Variants in CNGB1 observed in about 807,000 individuals in gnomAD.
CNGB1 encodes the protein cyclic nucleotide gated channel subunit beta 1.
Under a neutral mutation model 151.7 loss-of-function variants are expected in CNGB1, and 126 were observed. That is an observed-to-expected ratio of 0.83 (90% CI 0.72 to 0.96). The LOEUF is 0.96. CNGB1 is among the 40% of genes least tolerant of loss of function. The pLI, the probability that CNGB1 is intolerant of heterozygous loss-of-function variation, is 0.00. For synonymous variants in CNGB1, 623 were observed against 635.1 expected (o/e 0.98, Z 0.29); for missense variants, 1,698 against 1,627.0 (o/e 1.04, Z -0.75).
intron 21 of CNGB1, among the ~76,000 whole-genome samples, chr16:57,916,851 G>A (rs114437567): frequency 3.0e-4 from 46 of 152,264 alleles, no homozygotes; most frequent in African/African-American, 6.5e-4. Context: ...TGTGCTGAGC[G>A]CCCCGCATGC....
chr16:57,904,035 C>A, intron 26 of CNGB1, 54 bp from the exon 27 acceptor site: 3 of 1,563,646 alleles, frequency 1.9e-6, no homozygotes, highest in Non-Finnish European at 2.6e-6. Flanking sequence ...TGGGGGTGGG[C>A]GCTATTCCAT....
intron 15 of CNGB1, 58 bp downstream of exon 15, chr16:57,940,176 T>A: frequency 6.8e-7 from 1 of 1,477,320 alleles, no homozygotes. Context: ...AAGGTCCCCA[T>A]CCTTCCACCA....
intron 26 of CNGB1, 136 bp from the exon 27 acceptor site, chr16:57,904,117 C>A: frequency 1.4e-6 from 1 of 720,584 alleles, no homozygotes; most frequent in Non-Finnish European, 2.5e-6. Context: ...GGGGGGTAGG[C>A]AGATGTCCTC....
rs1166139098 is a variant in CNGB1, at chr16:57,897,628, C to G, written c.3096-85G>C. 49 of 1,595,628 alleles carry G rather than the reference C, an allele frequency of 3.1e-5. No homozygotes were observed. In the East Asian group the frequency reaches 1.0e-3, roughly 33 times the overall value. ...ATCTTCATTTCCCATGTGTGGAGGA[C>G]AGTGGTGGCCCCACACAGATGAGAA... On this transcript the variant is annotated intron_variant, in intron 30 of 32. Transcript: ENST00000251102.
intron 20 of CNGB1, among the ~76,000 whole-genome samples, chr16:57,917,929 C>G (rs1960921498): frequency 6.6e-6 from 1 of 151,846 alleles, no homozygotes; most frequent in Admixed American, 6.6e-5. Flanking sequence ...AACTCATTTG[C>G]TTTTATTCTT....
intron 16 of CNGB1, among the ~76,000 whole-genome samples, chr16:57,938,811 C>T (rs1961580197): frequency 6.6e-6 from 1 of 152,152 alleles, no homozygotes; most frequent in Non-Finnish European, 1.5e-5. Flanking sequence ...GCTCCAGGGT[C>T]CAGCTGTTGC....
intron 25 of CNGB1, among the ~76,000 whole-genome samples, chr16:57,905,366 T>C (rs1425940199): frequency 2.6e-5 from 4 of 152,022 alleles, no homozygotes; most frequent in Non-Finnish European, 5.9e-5. Context: ...TTCCAGAGAG[T>C]GAAACTGAGG....
intron 12 of CNGB1, among the ~76,000 whole-genome samples, chr16:57,954,281 C>T (rs17821442): frequency 0.015 from 2,295 of 152,290 alleles, 32 homozygotes; most frequent in Non-Finnish European, 0.024. Flanking sequence ...ATCCAAAGGC[C>T]TGCCCAGCCA....
chr16:57,916,094 C>T (rs757793086), intron 22 of CNGB1, 35 bp downstream of exon 22: 2 of 1,612,312 alleles, frequency 1.2e-6, no homozygotes, highest in Admixed American at 1.7e-5. Flanking sequence ...TTCTGAAACC[C>T]CGCAGACGCT....
At chr16:57,899,200 G>A (rs527483798) in intron 29 of CNGB1, among the ~76,000 whole-genome samples, 2 of 152,280 alleles carry the variant, frequency 1.3e-5, no homozygotes, top group East Asian at 3.9e-4. Context: ...AGCTTGCTTT[G>A]GACTGCAATT....
intron 21 of CNGB1, 127 bp from the exon 22 acceptor site, chr16:57,916,306 G>A (rs927384772): frequency 2.1e-6 from 2 of 936,252 alleles, no homozygotes; most frequent in East Asian, 2.5e-5. Flanking sequence ...GACCATCTGA[G>A]CCTTGGTGAA....
In CNGB1 at chr16:57,963,202, A is replaced by G. The variant is rs568935966; in HGVS notation, c.291-138T>C. On this transcript the variant is annotated intron_variant, in intron 4 of 32. Transcript: ENST00000251102. ...GTGTGTGGTGTGGTTATTGGAAAGT[A>G]CCTACATGTACCACTGGCCCAAGGC... is the stretch of plus-strand genomic sequence containing the variant. 6.4e-5 allele frequency: 50 copies of G among 783,126 alleles called. No individual in the cohort carries two copies. The African/African-American group carries it at 6.7e-4, about 11-fold the overall frequency. The allele number at this position is 783,126 out of a possible 1,614,324, so 48.5% of individuals were successfully genotyped here. A position where few individuals can be genotyped will look rare whatever the true frequency, so the allele number is the denominator to read the frequency against.
chr16:57,950,322 C>T (rs1961915612), intron 13 of CNGB1, 59 bp downstream of exon 13: 7 of 1,597,556 alleles, frequency 4.4e-6, no homozygotes, highest in Non-Finnish European at 4.3e-6. Context: ...TAAGGTACTG[C>T]ATGCTTGGCA....
chr16:57,960,579 C>T (rs372857030), intron 8 of CNGB1, 49 bp from the exon 9 acceptor site: 77 of 1,591,204 alleles, frequency 4.8e-5, no homozygotes, highest in Middle Eastern at 1.7e-4. Flanking sequence ...AAGCTCTGTG[C>T]GCTTCCCCAA....
Position 57,884,140 on chromosome 16 carries a change from G to T in CNGB1, c.*24C>A, listed in dbSNP as rs371395789. On this transcript the variant is annotated 3_prime_UTR_variant, in exon 33 of 33. Transcript: ENST00000251102. Reference sequence around the variant, plus strand: ...CTGGGGACACACCTGCTGGAACTGCGCGCGGGATCCGCCTCACCCCACCTT... The same window carrying T: ...CTGGGGACACACCTGCTGGAACTGCTCGCGGGATCCGCCTCACCCCACCTT... 5.2e-5 allele frequency: 84 copies of T among 1,613,572 alleles called. 1 individual carries two copies. Among genetic ancestry groups the T allele is most frequent in the East Asian group, 3.6e-4 (16 of 44,868 alleles).
intron 10 of CNGB1, among the ~76,000 whole-genome samples, 177 bp from the exon 11 acceptor site, chr16:57,958,662 G>A (rs890098138): frequency 2.0e-5 from 3 of 151,846 alleles, no homozygotes; most frequent in Non-Finnish European, 4.4e-5. Context: ...ACCCTCCCTC[G>A]GTGCTCTGGC....
chr16:57,952,792 T>G (rs900104751), intron 12 of CNGB1, among the ~76,000 whole-genome samples: 3 of 152,100 alleles, frequency 2.0e-5, no homozygotes, highest in Admixed American at 2.0e-4. Context: ...TGAGCCACCA[T>G]GCCCGGCCTC....
rs557373182 is a variant in CNGB1 at position 57,913,046 on chromosome 16, T to C, written c.2305-52A>G. ...AGCCCACCGGCCATAGGTAGCATGC[T>C]GCTCCCACGCCCACGGGCGCCGAGA... On this transcript the variant is annotated intron_variant, in intron 23 of 32. Coordinates refer to ENST00000251102, the MANE Select transcript of CNGB1 (RefSeq NM_001297.5). 434 of 1,584,640 alleles carry C rather than the reference T, an allele frequency of 2.7e-4. 3 individuals carry two copies. The highest frequency in any genetic ancestry group is 1.1e-3 in the Admixed American group (65 of 59,920).
At chr16:57,915,131 G>GT in intron 23 of CNGB1, 118 bp downstream of exon 23, 1 of 759,932 alleles carries the variant, frequency 1.3e-6, no homozygotes, top group Non-Finnish European at 2.2e-6. Flanking sequence ...TCTCCCCTCG[G>GT]GCCATCCCTT....
Sources: gnomAD v4.1 joint callset for allele counts (sites outside exome capture counted in the v4.1 genomes callset) on GRCh38, gnomAD v4.1.1 for gene constraint, MANE v1.5 for transcripts, NCBI Gene and HGNC (gene_info 2026-07-23, HGNC 2026-07-21) for gene names.